Variants in DHX29 observed in about 807,000 individuals in gnomAD.
DHX29 encodes ATP-dependent RNA helicase DHX29.
Under a neutral mutation model 167.9 loss-of-function variants are expected in DHX29, and 79 were observed. That is an observed-to-expected ratio of 0.47 (90% CI 0.39 to 0.57). The LOEUF is 0.57. Among genes scored for constraint, DHX29 ranks in the 20% least tolerant of loss-of-function variants. The pLI, the probability that DHX29 is intolerant of heterozygous loss-of-function variation, is 0.00. For missense variants in DHX29, 1,347 were observed against 1,593.4 expected, an observed-to-expected ratio of 0.85 and a Z score of 2.63; for synonymous variants, 530 against 546.0, an observed-to-expected ratio of 0.97 and a Z score of 0.41.
intron 8 of DHX29, among the ~76,000 whole-genome samples, chr5:55,288,728 A>C (rs368281680): frequency 6.6e-6 from 1 of 152,266 alleles, no homozygotes; most frequent in South Asian, 2.1e-4. Context: ...GGAGTTAGGG[A>C]GGGCTTAGGG....
rs1561157286 is a variant in DHX29, at chr5:55,285,423, A to G, written c.1233-7T>C. On this transcript the variant is annotated splice_polypyrimidine_tract_variant and splice_region_variant and intron_variant, in intron 9 of 26. Coordinates refer to ENST00000251636, the MANE Select transcript of DHX29 (RefSeq NM_019030.4). ...AGACTTGATTACCCTAACCCTACAA[A>G]GAAGCAAACGCATTTTAAAAAAATA... 1.3e-6 allele frequency: 2 copies of G among 1,592,910 alleles called. No homozygotes were observed. Among genetic ancestry groups the G allele is most frequent in the Non-Finnish European group, 1.7e-6 (2 of 1,171,016 alleles).
intron 20 of DHX29, among the ~76,000 whole-genome samples, chr5:55,270,052 T>C (rs554937300): frequency 1.3e-5 from 2 of 152,228 alleles, no homozygotes; most frequent in Admixed American, 1.3e-4. Flanking sequence ...CTGTACACTG[T>C]CAGATGTTTA....
In DHX29 at chr5:55,269,569, G is replaced by C. The variant is rs747582331; in HGVS notation, c.3138C>G (p.Ile1046Met). The C allele has an allele frequency of 2.9e-5, 47 of 1,614,082 alleles. No individual in the cohort carries two copies. The highest frequency in any genetic ancestry group is 3.9e-5 in the Non-Finnish European group (46 of 1,180,014). Residue 1046 changes from isoleucine to methionine, a missense_variant, in exon 21 of 27, where the codon ATC (isoleucine) becomes ATG (methionine). Physicochemically the swap from Ile to Met is conservative, Grantham distance 10 (BLOSUM62 1). Coordinates refer to ENST00000251636, the MANE Select transcript of DHX29 (RefSeq NM_019030.4). ...TTCGGAGCAAATTCATTGCATTGCTGATCACTTGGAGCTGAGGAGGATCTA... is the reference window on the plus strand; with the variant it reads ...TTCGGAGCAAATTCATTGCATTGCTCATCACTTGGAGCTGAGGAGGATCTA... The part of the protein sequence containing the change: ...KALDPPQLQV[I>M]SNAMNLLRKI...
rs1332680336 is a variant in DHX29 at position 55,307,662 on chromosome 5, G to A, written c.-89C>T. ...AGCTCTTCACATTCCCCGGCTCCGG[G>A]GCTGCCACCCTGCGCTTCGATCCGG... On this transcript the variant is annotated 5_prime_UTR_variant, in exon 1 of 27. Transcript: ENST00000251636. 1.3e-5 allele frequency: 20 copies of A among 1,514,436 alleles called. No individual in the cohort carries two copies. The highest frequency in any genetic ancestry group is 4.0e-5 in the Admixed American group (2 of 49,626). 93.8% of individuals were successfully genotyped at this position (1,514,436 alleles called of 1,614,324 possible). A position where few individuals can be genotyped will look rare whatever the true frequency, so the allele number is the denominator to read the frequency against.
chr5:55,304,103 T>C (rs910135698), intron 1 of DHX29, among the ~76,000 whole-genome samples: 3 of 151,986 alleles, frequency 2.0e-5, no homozygotes, highest in Non-Finnish European at 4.4e-5. Context: ...AAGTGGCACT[T>C]CTAAAGCACA....
intron 23 of DHX29, among the ~76,000 whole-genome samples, chr5:55,264,961 G>C (rs569475802): frequency 6.6e-6 from 1 of 152,046 alleles, no homozygotes; most frequent in South Asian, 2.1e-4. Flanking sequence ...CAATAGGTCC[G>C]AGTGTTATCA....
chr5:55,277,121 T>C lies in DHX29; in HGVS notation c.2271A>G (p.Arg757=), dbSNP rs17854903. Residue 757 remains arginine, a synonymous_variant, in exon 13 of 27, where the codon AGA becomes AGG. Coordinates refer to ENST00000251636, the MANE Select transcript of DHX29 (RefSeq NM_019030.4). Reference sequence around the variant, plus strand: ...GAAAACTTACCTCAACAGGATAACTTCTTCCTGAAATTCTGAGAATGGGGC... The same window carrying C: ...GAAAACTTACCTCAACAGGATAACTCCTTCCTGAAATTCTGAGAATGGGGC... ...THCPILRISG[R]SYPVEVFHLE... The C allele has an allele frequency of 4.3e-6, 7 of 1,609,560 alleles. No individual in the cohort carries two copies. The highest frequency in any genetic ancestry group is 5.9e-6 in the Non-Finnish European group (7 of 1,178,582).
At chr5:55,256,682 A>T (rs1746074098) in intron 26 of DHX29, 142 bp from the exon 27 acceptor site, 2 of 578,530 alleles carry the variant, frequency 3.5e-6, no homozygotes, top group African/African-American at 1.9e-5. Flanking sequence ...AAAACTAGAG[A>T]CACCTATAAA....
chr5:55,294,319 T>C (rs1748196659), intron 5 of DHX29, among the ~76,000 whole-genome samples, 174 bp from the exon 6 acceptor site: 1 of 152,196 alleles, frequency 6.6e-6, no homozygotes, highest in Admixed American at 6.5e-5. Context: ...AAATTTACAA[T>C]TGCAAAATCC....
At position 55,284,690 on chromosome 5, in the gene DHX29, G is replaced by A. The variant is rs1239516642; in HGVS notation, c.1356+603C>T. Among the ~76,000 whole-genome samples the A allele has an allele frequency of 3.9e-5, 6 of 152,112 alleles. No homozygotes were observed. The East Asian group carries it at 1.2e-3, about 29-fold the overall frequency. ...TTCTCTTAAAGAGCTTCCTTCAGTA[G>A]CACTTTATTTTAATCTTTCCTGAAA... On this transcript the variant is annotated intron_variant, in intron 10 of 26. Transcript: ENST00000251636.
chr5:55,291,601 C>G (rs1748049326), intron 6 of DHX29, among the ~76,000 whole-genome samples: 1 of 152,130 alleles, frequency 6.6e-6, no homozygotes, highest in Non-Finnish European at 1.5e-5. Context: ...TGTTGTACAA[C>G]CAGCACCACC....
At chr5:55,304,535 C>G (rs975388630) in intron 1 of DHX29, among the ~76,000 whole-genome samples, 1 of 151,676 alleles carries the variant, frequency 6.6e-6, no homozygotes, top group Non-Finnish European at 1.5e-5. Flanking sequence ...CTCCTGACCT[C>G]GTGATCCGCC....
At chr5:55,263,072 CT>C in intron 23 of DHX29, 140 bp from the exon 24 acceptor site, 1 of 646,496 alleles carries the variant, frequency 1.5e-6, no homozygotes, top group Non-Finnish European at 2.6e-6. Flanking sequence ...CCCAAATTAC[CT>C]TAGGGAAAAA....
chr5:55,269,516 G>A lies in DHX29; in HGVS notation c.3191C>T (p.Pro1064Leu). ...RKIGACELNE[P>L]KLTPLGQHLA... ...GTGTTGGCCCAACGGAGTCAGTTTA[G>A]GCTCATTTAATTCACAAGCTCCAAT... Residue 1064 changes from proline to leucine, a missense_variant, in exon 21 of 27, where the codon CCT becomes CTT. Physicochemically the swap from Pro to Leu is moderately conservative, Grantham distance 98. This residue lies in a region of DHX29 where 882 missense variants were observed against 1,082.4 expected (regional missense o/e 0.81). Coordinates refer to ENST00000251636, the MANE Select transcript of DHX29 (RefSeq NM_019030.4). 6.2e-7 allele frequency: 1 copy of A among 1,614,082 alleles called. No individual in the cohort carries two copies.
chr5:55,281,019 T>A (rs1487184768), intron 12 of DHX29, among the ~76,000 whole-genome samples: 3 of 151,142 alleles, frequency 2.0e-5, no homozygotes, highest in Non-Finnish European at 4.4e-5. Flanking sequence ...TTTTTATACA[T>A]GTATATATAT....
At position 55,276,388 on chromosome 5, in the gene DHX29, T is replaced by C. The variant is rs1469145912; in HGVS notation, c.2305A>G (p.Ile769Val). ...AGTACAAAGCCTGTTTCTTCTATTATATCTTCAAGATGAAAAACCTGCATA... is the reference window on the plus strand; with the variant it reads ...AGTACAAAGCCTGTTTCTTCTATTACATCTTCAAGATGAAAAACCTGCATA... The part of the protein sequence containing the change: ...YPVEVFHLED[I>V]IEETGFVLEK... The change falls in exon 14 of 27, where the codon ATA (isoleucine) becomes GTA (valine). Residue 769 changes from isoleucine (I) to valine (V), a missense_variant. Physicochemically the swap from Ile to Val is conservative, Grantham distance 29 (BLOSUM62 3). Around this residue, in one of 3 missense-constraint regions of DHX29, gnomAD observed 882 missense variants for 1,082.4 expected, o/e 0.81. Transcript: ENST00000251636. 5 of 1,591,112 alleles carry C rather than the reference T, an allele frequency of 3.1e-6. No individual in the cohort carries two copies. The highest frequency in any genetic ancestry group is 4.3e-6 in the Non-Finnish European group (5 of 1,173,172).
Position 55,267,837 on chromosome 5 carries a change from T to C in DHX29, c.3295-15A>G. 6.3e-7 allele frequency: 1 copy of C among 1,580,548 alleles called. No homozygotes were observed. The highest frequency in any genetic ancestry group is 1.3e-5 in the African/African-American group (1 of 74,214). On this transcript the variant is annotated splice_polypyrimidine_tract_variant and intron_variant, in intron 21 of 26. Coordinates refer to ENST00000251636, the MANE Select transcript of DHX29 (RefSeq NM_019030.4). The stretch of plus-strand genomic sequence containing the variant: ...GCTAGTGTTGCCTATCCATAAATCA[T>C]AAATGACAAAACAATTTATCATTAA...
At chr5:55,265,561 T>C (rs1305704235) in intron 23 of DHX29, among the ~76,000 whole-genome samples, 2 of 149,700 alleles carry the variant, frequency 1.3e-5, no homozygotes, top group Admixed American at 6.7e-5. Context: ...AAATGGCAAA[T>C]AGGAAAAAAC....
Position 55,256,529 on chromosome 5 carries a change from G to A in DHX29, c.4069C>T (p.Leu1357=). The change falls in exon 27 of 27, where the codon CTG becomes TTG. Residue 1357 remains leucine (L), a synonymous_variant. Coordinates refer to ENST00000251636, the MANE Select transcript of DHX29 (RefSeq NM_019030.4). The part of the protein sequence containing the change: ...PKMSLENDKI[L]QIITELIKTE... ...TTTATCAATTCCGTAATGATCTGCA[G>A]AATCTTGTCATCTGAGTGGAAGGAA... 6.3e-7 allele frequency: 1 copy of A among 1,588,996 alleles called. No homozygotes were observed. The highest frequency in any genetic ancestry group is 8.5e-7 in the Non-Finnish European group (1 of 1,172,186).
Sources: allele counts gnomAD v4.1 joint callset (sites outside exome capture counted in the v4.1 genomes callset), GRCh38; gene constraint gnomAD v4.1.1; regional missense constraint gnomAD v4.1.1; transcripts MANE v1.5; gene names NCBI Gene and HGNC (gene_info 2026-07-23, HGNC 2026-07-21).